The following AOAH variants were observed in gnomAD, a reference collection of about 807,000 sequenced individuals.
AOAH encodes the protein acyloxyacyl hydrolase.
Under a neutral mutation model 92.2 loss-of-function variants are expected in AOAH, and 64 were observed. That is an observed-to-expected ratio of 0.69 (90% confidence interval 0.57 to 0.86). The LOEUF is 0.86. Among genes scored for constraint, AOAH ranks in the 40% least tolerant of loss-of-function variants. AOAH has a pLI of 0.00. For synonymous variants in AOAH, 263 were observed against 254.5 expected, an observed-to-expected ratio of 1.03 and a Z score of -0.32; for missense variants, 656 against 694.6, an observed-to-expected ratio of 0.94 and a Z score of 0.62.
intron 18 of AOAH, chr7:36,530,745 T>A (rs1180605667): frequency 4.5e-6 from 2 of 447,532 alleles, no homozygotes; most frequent in Non-Finnish European, 8.0e-6. Context: ...AAATTAGTGA[T>A]ACTAGTTTTA....
chr7:36,654,268 T>C (rs1794750118), intron 4 of AOAH, among the ~76,000 whole-genome samples: 1 of 152,236 alleles, frequency 6.6e-6, no homozygotes, highest in East Asian at 1.9e-4. Flanking sequence ...CTATTTTTCC[T>C]TCCCTTTCCT....
intron 1 of AOAH, among the ~76,000 whole-genome samples, chr7:36,697,701 C>T (rs1797803715): frequency 6.6e-6 from 1 of 152,122 alleles, no homozygotes; most frequent in African/African-American, 2.4e-5. Context: ...TCATGCCCTT[C>T]CTGGGACTTC....
chr7:36,583,377 A>T (rs1461398599), intron 12 of AOAH, among the ~76,000 whole-genome samples: 1 of 152,186 alleles, frequency 6.6e-6, no homozygotes, highest in Non-Finnish European at 1.5e-5. Flanking sequence ...ATGTGGATGG[A>T]GGTCAGGCCA....
intron 2 of AOAH, among the ~76,000 whole-genome samples, chr7:36,674,450 A>T (rs778961201): frequency 6.6e-6 from 1 of 152,168 alleles, no homozygotes; most frequent in Non-Finnish European, 1.5e-5. Context: ...TGGGGTCCTT[A>T]GTTTTTGCTG....
intron 3 of AOAH, 59 bp downstream of exon 3, chr7:36,673,884 T>G (rs1259704125): frequency 7.9e-7 from 1 of 1,261,490 alleles, no homozygotes; most frequent in African/African-American, 1.5e-5. Context: ...CCTCCCAGTT[T>G]TCTTGTTCCT....
chr7:36,636,327 C>T (rs1335397691), intron 5 of AOAH, among the ~76,000 whole-genome samples: 5 of 151,888 alleles, frequency 3.3e-5, no homozygotes, highest in Admixed American at 1.3e-4. Context: ...AATCCTGCCC[C>T]GTGAATTATG....
intron 20 of AOAH, among the ~76,000 whole-genome samples, chr7:36,519,618 C>T (rs990346628): frequency 1.3e-5 from 2 of 152,150 alleles, no homozygotes; most frequent in Middle Eastern, 3.2e-3. Context: ...TTAGTAGAGA[C>T]GGGGTTTCTG....
chr7:36,550,353 T>C (rs1215471588), intron 13 of AOAH: 1 of 144,960 alleles, frequency 6.9e-6, no homozygotes, highest in Non-Finnish European at 1.5e-5. Flanking sequence ...GAGAGACTTG[T>C]CTCAAAAAAA....
intron 1 of AOAH, among the ~76,000 whole-genome samples, chr7:36,703,443 G>T (rs1160496682): frequency 2.0e-5 from 3 of 152,046 alleles, no homozygotes; most frequent in African/African-American, 2.4e-5. Flanking sequence ...TGTGCAGAAC[G>T]CTCAGGTTTG....
At position 36,659,973 on chromosome 7, in the gene AOAH, C is replaced by T. The variant is rs527444810; in HGVS notation, c.291-708G>A. Among the ~76,000 whole-genome samples, 253 of 152,216 alleles carry T rather than the reference C, an allele frequency of 1.7e-3. 2 individuals are homozygous for T. The highest frequency in any genetic ancestry group is 5.9e-3 in the African/African-American group (246 of 41,530). ...CAATATTTTACTATCGTGACTTGTC[C>T]CTGCCCTATCTTAGTTGATCATTTG... On this transcript the variant is annotated intron_variant, in intron 3 of 20. Transcript: ENST00000617537.
At chr7:36,545,087 T>C (rs1562554024) in intron 15 of AOAH, among the ~76,000 whole-genome samples, 1 of 151,948 alleles carries the variant, frequency 6.6e-6, no homozygotes, top group Non-Finnish European at 1.5e-5. Context: ...GGTCTCGCTC[T>C]ATCACCCAGG....
chr7:36,522,885 C>T lies in AOAH; in HGVS notation c.1523-770G>A, dbSNP rs1028990204. Among the ~76,000 whole-genome samples the T allele has an allele frequency of 4.6e-5, 7 of 152,154 alleles. No homozygotes were observed. The South Asian group carries it at 1.2e-3, about 27-fold the overall frequency. ...GGGCAGGCACAACTAAGATTCCTCC[C>T]GTTCTTTACTCTTCATTCCCCAGAA... On this transcript the variant is annotated intron_variant, in intron 19 of 20. Transcript: ENST00000617537.
chr7:36,630,521 G>A (rs542647457), intron 6 of AOAH, among the ~76,000 whole-genome samples: 87 of 152,314 alleles, frequency 5.7e-4, no homozygotes, highest in Non-Finnish European at 1.0e-3. Flanking sequence ...ACTAGAAGGC[G>A]AGCAATGGGG....
intron 1 of AOAH, among the ~76,000 whole-genome samples, chr7:36,693,852 CTT>C (rs1470912238): frequency 1.3e-5 from 2 of 152,150 alleles, no homozygotes; most frequent in Non-Finnish European, 2.9e-5. Flanking sequence ...TTTTGTTCCT[CTT>C]TTTCATTGTT....
rs140092237 is a variant in AOAH at position 36,614,254 on chromosome 7, G to A, written c.846+2126C>T. On this transcript the variant is annotated intron_variant, in intron 11 of 20. Transcript: ENST00000617537. The surrounding 1 kb of genome is among the most constrained non-coding windows in gnomAD (Gnocchi z 4.2). ...GGCACTGCCCCACATTTTTTATTGT[G>A]TTGTTTGATAGGTCCATCCAGAAGT... Among the ~76,000 whole-genome samples the A allele has an allele frequency of 7.6e-4, 116 of 152,210 alleles. No homozygotes were observed. The East Asian group carries it at 0.021, about 27-fold the overall frequency.
At chr7:36,631,973 A>G in intron 6 of AOAH, 63 bp downstream of exon 6, 1 of 1,312,248 alleles carries the variant, frequency 7.6e-7, no homozygotes, top group Non-Finnish European at 1.1e-6. Flanking sequence ...TCATTAGAAA[A>G]GGGGGACAAG....
At chr7:36,559,795 A>G (rs1787121555) in intron 13 of AOAH, among the ~76,000 whole-genome samples, 1 of 152,190 alleles carries the variant, frequency 6.6e-6, no homozygotes, top group African/African-American at 2.4e-5. Flanking sequence ...AGACTTAGTC[A>G]TAATTTTTTT....
chr7:36,625,808 G>A (rs1250904844), intron 6 of AOAH, among the ~76,000 whole-genome samples: 4 of 152,170 alleles, frequency 2.6e-5, no homozygotes, highest in African/African-American at 9.7e-5. Context: ...AGGCTGTGAC[G>A]CTGCTCTCCC....
At chr7:36,601,941 T>G (rs1268383579) in intron 11 of AOAH, among the ~76,000 whole-genome samples, 4 of 152,228 alleles carry the variant, frequency 2.6e-5, no homozygotes, top group Non-Finnish European at 5.9e-5. Flanking sequence ...CACATTTTCA[T>G]GTAACAGGTA....
Sources: allele counts gnomAD v4.1 joint callset (sites outside exome capture counted in the v4.1 genomes callset), GRCh38; gene constraint gnomAD v4.1.1; non-coding constraint Gnocchi (gnomAD v3.1); transcripts MANE v1.5; gene names NCBI Gene and HGNC (gene_info 2026-07-23, HGNC 2026-07-21).